Variants in FARS2 observed in about 807,000 individuals in gnomAD.
The protein encoded by FARS2 is phenylalanyl-tRNA synthetase 2, mitochondrial.
In FARS2, 40 loss-of-function variants were observed where a neutral mutation model predicts 46.4. The ratio of observed to expected loss-of-function variants is 0.86; its 90% CI spans 0.67 to 1.12. The LOEUF (loss-of-function observed/expected upper bound fraction) is 1.12. FARS2 is among the 50% of genes most tolerant of loss of function. The probability of loss-of-function intolerance (pLI) is 0.00; values close to 1 mark genes in which losing one functional copy is unlikely to be tolerated. For missense variants in FARS2, 513 were observed against 567.9 expected (o/e 0.90, Z 0.98); for synonymous variants, 234 against 214.9 (o/e 1.09, Z -0.78).
chr6:5,392,688 C>T lies in FARS2; in HGVS notation c.613-11854C>T, dbSNP rs566465253. Among the ~76,000 whole-genome samples the T allele has an allele frequency of 1.5e-3, 228 of 150,668 alleles. 1 individual carries two copies. The highest frequency in any genetic ancestry group is 4.9e-3 in the African/African-American group (201 of 41,044). On this transcript the variant is annotated intron_variant, in intron 2 of 6. Transcript: ENST00000274680. The stretch of plus-strand genomic sequence containing the variant: ...TTGGACTGAAGCTTAAGCTTTAAGA[C>T]CAGCTTGAGCAACATAGCAAAACAC...
At chr6:5,585,041 G>A (rs1773541557) in intron 5 of FARS2, among the ~76,000 whole-genome samples, 1 of 151,952 alleles carries the variant, frequency 6.6e-6, no homozygotes, top group African/African-American at 2.4e-5. Context: ...TCAAAACATG[G>A]TGCTAAAGCT....
At chr6:5,288,501 C>G (rs1200951687) in intron 1 of FARS2, among the ~76,000 whole-genome samples, 1 of 152,196 alleles carries the variant, frequency 6.6e-6, no homozygotes, top group Non-Finnish European at 1.5e-5. Context: ...CACTTGTGCA[C>G]TGTACGAATC....
intron 6 of FARS2, among the ~76,000 whole-genome samples, chr6:5,650,980 A>T (rs866199898): frequency 6.6e-6 from 1 of 152,202 alleles, no homozygotes; most frequent in Admixed American, 6.5e-5. Context: ...TACCAGTAAG[A>T]TGTAGGGTTA....
chr6:5,401,529 T>G (rs1761252925), intron 2 of FARS2, among the ~76,000 whole-genome samples: 1 of 152,190 alleles, frequency 6.6e-6, no homozygotes, highest in East Asian at 1.9e-4. Context: ...TCCCCAGCTT[T>G]TAGTCTGAAA....
intron 1 of FARS2, among the ~76,000 whole-genome samples, chr6:5,359,639 A>C (rs1453033978): frequency 6.6e-6 from 1 of 152,210 alleles, no homozygotes; most frequent in African/African-American, 2.4e-5. Flanking sequence ...GCCTTTGCCA[A>C]CCTGTGGAAG....
rs200898031 is a variant in FARS2, at chr6:5,607,285, A to ATGTGTGTG, written c.1066-5846_1066-5839dup. Among the ~76,000 whole-genome samples the ATGTGTGTG allele has an allele frequency of 2.4e-3, 179 of 75,038 alleles. 1 individual carries two copies. The highest frequency in any genetic ancestry group is 6.2e-3 in the African/African-American group (167 of 26,952). 49.2% of individuals were successfully genotyped at this position (75,038 alleles called of 152,430 possible). A position where few individuals can be genotyped will look rare whatever the true frequency, so the allele number is the denominator to read the frequency against. On this transcript the variant is annotated intron_variant, in intron 5 of 6. Coordinates refer to ENST00000274680, the MANE Select transcript of FARS2 (RefSeq NM_006567.5). The stretch of plus-strand genomic sequence containing the variant: ...AACAATTTATTAAAGAATAATATGT[A>ATGTGTGTG]TGTGTGTGTGTGTGTGTGTGTGTGT...
intron 6 of FARS2, among the ~76,000 whole-genome samples, chr6:5,676,246 G>T (rs1306359001): frequency 6.6e-6 from 1 of 152,160 alleles, no homozygotes; most frequent in Admixed American, 6.5e-5. Context: ...TGAATGAAGG[G>T]ATTCTGCTCT....
chr6:5,770,783 C>T (rs1019669063), intron 6 of FARS2, among the ~76,000 whole-genome samples: 1 of 152,226 alleles, frequency 6.6e-6, no homozygotes, highest in South Asian at 2.1e-4. Context: ...GGCCTGTATG[C>T]TTCCTGGACA....
intron 1 of FARS2, among the ~76,000 whole-genome samples, chr6:5,341,235 A>ATATATATATATT (rs1561970178): frequency 9.7e-5 from 1 of 10,276 alleles, no homozygotes; most frequent in Non-Finnish European, 2.0e-4. Flanking sequence ...ATATATATAT[A>ATATATATATATT]TTTTTTTTTT....
chr6:5,636,020 T>C (rs998378764), intron 6 of FARS2, among the ~76,000 whole-genome samples: 2 of 152,190 alleles, frequency 1.3e-5, no homozygotes, highest in African/African-American at 4.8e-5. Context: ...TGTTTTAGAA[T>C]AGCACCGCTA....
At chr6:5,338,986 CAT>C (rs778766956) in intron 1 of FARS2, among the ~76,000 whole-genome samples, 19 of 152,086 alleles carry the variant, frequency 1.2e-4, no homozygotes, top group African/African-American at 2.4e-4. Context: ...TTATGGGTGT[CAT>C]ATGTGGCTAT....
chr6:5,308,544 G>A (rs185469423), intron 1 of FARS2, among the ~76,000 whole-genome samples: 2 of 152,312 alleles, frequency 1.3e-5, no homozygotes, highest in East Asian at 1.9e-4. Context: ...ACGGATTACC[G>A]GAAGAATGAC....
In FARS2 at chr6:5,639,271, G is replaced by A. The variant is rs61157149; in HGVS notation, c.1217+25951G>A. 1.2e-3 allele frequency among the ~76,000 whole-genome samples: 180 copies of A among 152,310 alleles called. 1 individual carries two copies. Among genetic ancestry groups the A allele is most frequent in the African/African-American group, 3.2e-3 (134 of 41,562 alleles). ...TTGACATGTGTTTCTTCAGCCTTTC[G>A]GTGGCCAGCATATTCCCAGTGCCAG... On this transcript the variant is annotated intron_variant, in intron 6 of 6. Transcript: ENST00000274680.
At chr6:5,589,412 A>G (rs150703503) in intron 5 of FARS2, among the ~76,000 whole-genome samples, 2 of 152,392 alleles carry the variant, frequency 1.3e-5, no homozygotes, top group African/African-American at 4.8e-5. Flanking sequence ...GTACATGCTT[A>G]TCAGAGGACA....
chr6:5,731,471 C>T (rs1459850945), intron 6 of FARS2, among the ~76,000 whole-genome samples: 3 of 152,194 alleles, frequency 2.0e-5, no homozygotes, highest in East Asian at 1.9e-4. Flanking sequence ...TGCTTCTGCA[C>T]TCACGCCCTG....
intron 5 of FARS2, among the ~76,000 whole-genome samples, chr6:5,593,845 G>C (rs189642892): frequency 5.3e-4 from 81 of 152,342 alleles, no homozygotes; most frequent in African/African-American, 1.8e-3. Context: ...ATGTAGGGCT[G>C]TATTTTCTGG....
intron 6 of FARS2, among the ~76,000 whole-genome samples, chr6:5,767,494 A>G (rs9504509): frequency 6.6e-6 from 1 of 152,162 alleles, no homozygotes; most frequent in African/African-American, 2.4e-5. Flanking sequence ...GAATTGCTGG[A>G]TTATATGGTA....
chr6:5,702,136 G>T (rs577326274), intron 6 of FARS2, among the ~76,000 whole-genome samples: 1 of 152,162 alleles, frequency 6.6e-6, no homozygotes, highest in Admixed American at 6.5e-5. Flanking sequence ...GCTTATAGAA[G>T]GTGTCCCAAA....
intron 4 of FARS2, among the ~76,000 whole-genome samples, chr6:5,462,205 T>G (rs1765281645): frequency 6.6e-6 from 1 of 152,212 alleles, no homozygotes; most frequent in Admixed American, 6.5e-5. Context: ...TATTTTCTGA[T>G]TAAATACCTA....
Sources: allele counts gnomAD v4.1 joint callset (sites outside exome capture counted in the v4.1 genomes callset), GRCh38; gene constraint gnomAD v4.1.1; transcripts MANE v1.5; gene names NCBI Gene and HGNC (gene_info 2026-07-23, HGNC 2026-07-21).